The following HNRNPH1 variants were observed in gnomAD, a reference collection of about 807,000 sequenced individuals.
HNRNPH1 encodes the protein heterogeneous nuclear ribonucleoprotein H1.
Under a neutral mutation model 58.6 loss-of-function variants are expected in HNRNPH1, and 4 were observed. The observed-to-expected ratio is 0.07, with a 90% confidence interval of 0.03 to 0.16. The LOEUF is 0.16. Ranked by LOEUF, HNRNPH1 falls within the 10% of genes least tolerant of loss-of-function variation. The probability of loss-of-function intolerance (pLI) is 1.00; values close to 1 mark genes in which losing one functional copy is unlikely to be tolerated. For synonymous variants in HNRNPH1, 192 were observed against 189.2 expected (o/e 1.01, Z -0.12); for missense variants, 271 against 564.2 (o/e 0.48, Z 5.26).
At chr5:179,631,008 A>G (rs1774786232) in intron 2 of HNRNPH1, among the ~76,000 whole-genome samples, 1 of 152,164 alleles carries the variant, frequency 6.6e-6, no homozygotes, top group South Asian at 2.1e-4. Context: ...CTACTTTTGC[A>G]CTGATTTAAT....
upstream of HNRNPH1, among the ~76,000 whole-genome samples, chr5:179,626,776 C>CTTT (rs60754691): frequency 3.0e-5 from 4 of 132,436 alleles, no homozygotes; most frequent in Non-Finnish European, 4.9e-5. Flanking sequence ...TGGTATACTT[C>CTTT]TTTTTTTTTT....
At chr5:179,620,893 T>C in exon 3 of HNRNPH1, 1 of 1,613,984 alleles carries the variant, frequency 6.2e-7, no homozygotes, top group Non-Finnish European at 8.5e-7. Flanking sequence ...ACTACATACC[T>C]GAGAAGAACT....
chr5:179,626,945 T>C (rs1581764251), upstream of HNRNPH1, among the ~76,000 whole-genome samples: 1 of 151,786 alleles, frequency 6.6e-6, no homozygotes, highest in Non-Finnish European at 1.5e-5. Flanking sequence ...CACGCCCAGC[T>C]AATTTTCTTG....
intron 3 of HNRNPH1, chr5:179,620,588 A>T (rs2127667648): frequency 3.6e-6 from 1 of 281,182 alleles, no homozygotes; most frequent in Admixed American, 4.7e-5. Flanking sequence ...CTTACCTTTA[A>T]CTTGAGGTAC....
upstream of HNRNPH1, among the ~76,000 whole-genome samples, chr5:179,625,184 C>G (rs6886107): frequency 0.19 from 29,607 of 152,084 alleles, 3,016 homozygotes; most frequent in Middle Eastern, 0.23. Flanking sequence ...TCAGAAGGCA[C>G]TTTGGCTGAG....
rs115000818 is a variant in HNRNPH1 at position 179,623,059 on chromosome 5, A to T, written c.75T>A (p.Asp25Glu). 9.4e-6 allele frequency: 15 copies of T among 1,594,886 alleles called. No homozygotes were observed. In the East Asian group the frequency reaches 3.2e-4, roughly 34 times the overall value. Residue 25 changes from aspartate to glutamate, a missense_variant, in exon 1 of 13, where the codon GAT (aspartate) becomes GAA (glutamate). By Grantham distance (45) the Asp-to-Glu change is conservative. Transcript: ENST00000356731. ...CACCAGAAAAAAACCTCTGCACTTC[A>T]TCGGCCGAGCAAGACCAGGGCAAGC...
intron 12 of HNRNPH1, chr5:179,615,206 A>G (rs1768934783): frequency 2.3e-6 from 1 of 440,962 alleles, no homozygotes; most frequent in Non-Finnish European, 4.0e-6. Flanking sequence ...ATCAACATGA[A>G]AAATTAAGTT....
At chr5:179,627,073 G>A (rs1421059539), upstream of HNRNPH1, among the ~76,000 whole-genome samples, 1 of 152,102 alleles carries the variant, frequency 6.6e-6, no homozygotes, top group Admixed American at 6.5e-5. Context: ...GAGCCACTGC[G>A]CCCGGCTAAT....
At chr5:179,624,506 C>CG (rs1774155024) in exon 1 of HNRNPH1, 1 of 398,590 alleles carries the variant, frequency 2.5e-6, no homozygotes, top group African/African-American at 2.1e-5. Context: ...CACGGGTGCG[C>CG]GCCGGCCTCT....
intron 2 of HNRNPH1, among the ~76,000 whole-genome samples, chr5:179,632,693 G>C (rs1774944143): frequency 1.3e-5 from 2 of 152,024 alleles, no homozygotes; most frequent in Non-Finnish European, 1.5e-5. Flanking sequence ...TGAACTTTCC[G>C]GGTGCGAACC....
chr5:179,616,324 A>G, intron 10 of HNRNPH1, 106 bp from the exon 12 acceptor site: 6 of 914,888 alleles, frequency 6.6e-6, no homozygotes, highest in Middle Eastern at 2.2e-4. Context: ...TTGATCTTAC[A>G]TTACTGTAAC....
exon 1 of HNRNPH1, chr5:179,623,326 G>A (rs1201923466): frequency 2.8e-5 from 12 of 432,560 alleles, no homozygotes; most frequent in Non-Finnish European, 4.4e-5. Context: ...GACCCCCAAA[G>A]CTGTCCTGAG....
At chr5:179,615,666 T>C in intron 11 of HNRNPH1, 71 bp from the exon 13 acceptor site, 2 of 780,674 alleles carry the variant, frequency 2.6e-6, no homozygotes, top group Admixed American at 2.4e-5. Flanking sequence ...TGAAAAAAAA[T>C]AAATAAAACC....
At chr5:179,619,050 C>G in intron 4 of HNRNPH1, 2 of 399,170 alleles carry the variant, frequency 5.0e-6, no homozygotes, top group Non-Finnish European at 9.1e-6. Context: ...GTTAATAAGA[C>G]TCACAAAATT....
At chr5:179,632,177 G>A (rs927120103) in intron 2 of HNRNPH1, among the ~76,000 whole-genome samples, 34 of 152,134 alleles carry the variant, frequency 2.2e-4, no homozygotes, top group Admixed American at 2.6e-4. Flanking sequence ...GCGTGGTGGC[G>A]GGTGCCTGTA....
chr5:179,629,025 C>G (rs58916559), upstream of HNRNPH1: 1 of 150,440 alleles, frequency 6.6e-6, no homozygotes, highest in Non-Finnish European at 1.5e-5. Context: ...CGGCTGGGCG[C>G]GGCGGCTCAC....
upstream of HNRNPH1, among the ~76,000 whole-genome samples, chr5:179,625,531 G>T (rs989967128): frequency 6.8e-6 from 1 of 147,968 alleles, no homozygotes; most frequent in Non-Finnish European, 1.5e-5. Context: ...GGTGATGCAT[G>T]CCTGTAATCC....
exon 3 of HNRNPH1, chr5:179,621,013 T>C (rs1273296455): frequency 3.1e-6 from 5 of 1,613,924 alleles, no homozygotes; most frequent in Non-Finnish European, 4.2e-6. Flanking sequence ...CCCAATCCAT[T>C]TCAACGTTGT....
At chr5:179,624,033 G>T in exon 1 of HNRNPH1, 1 of 154,312 alleles carries the variant, frequency 6.5e-6, no homozygotes, top group Non-Finnish European at 1.4e-5. Context: ...GACTGTATAG[G>T]AGTCCCGAGC....
Sources: gnomAD v4.1 joint callset for allele counts (sites outside exome capture counted in the v4.1 genomes callset) on GRCh38, gnomAD v4.1.1 for gene constraint, MANE v1.5 for transcripts, NCBI Gene and HGNC (gene_info 2026-07-23, HGNC 2026-07-21) for gene names.